ZNF385B: variants seen among roughly 807,000 people sequenced by gnomAD.
The protein encoded by ZNF385B is zinc finger protein 533.
A neutral mutation model predicts 39.2 loss-of-function variants in ZNF385B; 23 were observed. That is an observed-to-expected ratio of 0.59 (90% CI 0.42 to 0.83). The LOEUF (loss-of-function observed/expected upper bound fraction) is 0.83, where lower values mean the gene tolerates loss of function less well. Among genes scored for constraint, ZNF385B ranks in the 40% least tolerant of loss-of-function variants. ZNF385B has a pLI of 0.00. For synonymous variants in ZNF385B, 205 were observed against 222.6 expected (o/e 0.92, Z 0.70); for missense variants, 552 against 598.9 (o/e 0.92, Z 0.82).
chr2:179,775,931 C>T (rs1035094130), intron 1 of ZNF385B, among the ~76,000 whole-genome samples: 11 of 152,106 alleles, frequency 7.2e-5, no homozygotes, highest in Non-Finnish European at 1.0e-4. Flanking sequence ...TAAATTGTAT[C>T]GTCCCTGAAA....
intron 1 of ZNF385B, among the ~76,000 whole-genome samples, chr2:179,787,977 G>A (rs1705105207): frequency 6.6e-6 from 1 of 152,130 alleles, no homozygotes; most frequent in Non-Finnish European, 1.5e-5. Flanking sequence ...TTTACCACTT[G>A]TTCTTTTTAA....
chr2:179,718,247 C>T (rs543171895), intron 3 of ZNF385B, among the ~76,000 whole-genome samples: 3 of 151,506 alleles, frequency 2.0e-5, no homozygotes, highest in East Asian at 1.9e-4. Context: ...TTTATCCACA[C>T]GCATGTTGAC....
At chr2:179,854,593 G>A (rs1684433438) in intron 1 of ZNF385B, among the ~76,000 whole-genome samples, 1 of 152,088 alleles carries the variant, frequency 6.6e-6, no homozygotes, top group African/African-American at 2.4e-5. Context: ...CCAACCAAGA[G>A]TCCAGGCCTC....
chr2:179,748,885 T>A (rs965823393), intron 3 of ZNF385B, among the ~76,000 whole-genome samples: 16 of 152,088 alleles, frequency 1.1e-4, no homozygotes, highest in African/African-American at 3.9e-4. Flanking sequence ...TTTTGGGGCC[T>A]AGACCTGCAC....
At chr2:179,483,476 C>A in intron 5 of ZNF385B, 42 bp from the exon 6 acceptor site, 5 of 1,611,646 alleles carry the variant, frequency 3.1e-6, no homozygotes, top group Non-Finnish European at 4.2e-6. Flanking sequence ...TTGCTAATTA[C>A]AAACACCACA....
At chr2:179,615,084 G>A (rs77335810) in intron 3 of ZNF385B, among the ~76,000 whole-genome samples, 8,804 of 152,212 alleles carry the variant, frequency 0.058, 509 homozygotes, top group East Asian at 0.24. Context: ...AGCTGACAAC[G>A]TCAGCAGCTA....
chr2:179,473,936 C>G (rs987260855), intron 6 of ZNF385B, among the ~76,000 whole-genome samples: 1 of 152,096 alleles, frequency 6.6e-6, no homozygotes, highest in Non-Finnish European at 1.5e-5. Context: ...ACAGAAGCTC[C>G]ATGAGCATGA....
At chr2:179,814,952 A>G (rs925704723) in intron 1 of ZNF385B, among the ~76,000 whole-genome samples, 2 of 152,244 alleles carry the variant, frequency 1.3e-5, no homozygotes, top group Admixed American at 1.3e-4. Flanking sequence ...TAAACACATA[A>G]TGATCATCTC....
chr2:179,697,616 G>A (rs906564984), intron 3 of ZNF385B, among the ~76,000 whole-genome samples: 2 of 152,200 alleles, frequency 1.3e-5, no homozygotes, highest in African/African-American at 4.8e-5. Context: ...TTTCTCCACA[G>A]TCCAACTGGA....
chr2:179,755,046 C>T (rs1263073673), intron 3 of ZNF385B, among the ~76,000 whole-genome samples: 1 of 152,176 alleles, frequency 6.6e-6, no homozygotes, highest in Admixed American at 6.5e-5. Flanking sequence ...TTAGATGTTT[C>T]CTGCTTTCTC....
intron 5 of ZNF385B, among the ~76,000 whole-genome samples, chr2:179,503,334 ATAAAAG>A (rs2056933059): frequency 6.6e-6 from 1 of 152,206 alleles, no homozygotes; most frequent in Non-Finnish European, 1.5e-5. Context: ...ATTTGGACCA[ATAAAAG>A]TACAATTTGC....
At chr2:179,449,501 A>G (rs996320236) in intron 6 of ZNF385B, among the ~76,000 whole-genome samples, 1 of 152,316 alleles carries the variant, frequency 6.6e-6, no homozygotes, top group South Asian at 2.1e-4. Flanking sequence ...CCCATTCACA[A>G]TTGCTTCAAA....
At chr2:179,794,136 T>C (rs989586881) in intron 1 of ZNF385B, among the ~76,000 whole-genome samples, 1 of 152,220 alleles carries the variant, frequency 6.6e-6, no homozygotes, top group Non-Finnish European at 1.5e-5. Flanking sequence ...GCTGTTCTTA[T>C]GAGGCCAGTC....
chr2:179,841,894 G>C (rs1457618567), intron 1 of ZNF385B, among the ~76,000 whole-genome samples: 1 of 152,124 alleles, frequency 6.6e-6, no homozygotes, highest in Admixed American at 6.5e-5. Flanking sequence ...ACGCCTGAGA[G>C]GACTGATCAC....
At chr2:179,724,868 C>A (rs758252594) in intron 3 of ZNF385B, among the ~76,000 whole-genome samples, 1 of 152,060 alleles carries the variant, frequency 6.6e-6, no homozygotes, top group Non-Finnish European at 1.5e-5. Context: ...AGTGTCTGCA[C>A]AAATAAATGA....
At chr2:179,693,094 C>T (rs955439142) in intron 3 of ZNF385B, among the ~76,000 whole-genome samples, 9 of 152,230 alleles carry the variant, frequency 5.9e-5, no homozygotes, top group Non-Finnish European at 1.5e-5. Flanking sequence ...TTTAGAACAA[C>T]TCTAGTCAGG....
chr2:179,446,510 A>AAG lies in ZNF385B; in HGVS notation c.961+13_961+14dup. The AAG allele has an allele frequency of 1.9e-6, 3 of 1,600,276 alleles. No individual in the cohort carries two copies. The highest frequency in any genetic ancestry group is 2.6e-6 in the Non-Finnish European group (3 of 1,173,774). Reference sequence around the variant, plus strand: ...TGTTATAAACATTATTTAAATGCAAAAGATAGCTGCTAACCTGTGTTGTGT... The same window carrying AAG: ...TGTTATAAACATTATTTAAATGCAAAAGAGATAGCTGCTAACCTGTGTTGTGT... On this transcript the variant is annotated intron_variant, in intron 7 of 9. Coordinates refer to ENST00000410066, the MANE Select transcript of ZNF385B (RefSeq NM_152520.6).
At chr2:179,839,673 G>T (rs981666214) in intron 1 of ZNF385B, among the ~76,000 whole-genome samples, 3 of 152,118 alleles carry the variant, frequency 2.0e-5, no homozygotes, top group Non-Finnish European at 4.4e-5. Flanking sequence ...TTTATTTAAA[G>T]AACTATTTAC....
intron 1 of ZNF385B, among the ~76,000 whole-genome samples, chr2:179,855,801 C>T (rs1369159182): frequency 6.6e-6 from 1 of 152,042 alleles, no homozygotes; most frequent in African/African-American, 2.4e-5. Flanking sequence ...TCTTGAACAA[C>T]CACAGTGTGC....
Sources: allele counts gnomAD v4.1 joint callset (sites outside exome capture counted in the v4.1 genomes callset), GRCh38; gene constraint gnomAD v4.1.1; transcripts MANE v1.5; gene names NCBI Gene and HGNC (gene_info 2026-07-23, HGNC 2026-07-21).